GALNT11: variants seen among roughly 807,000 people sequenced by gnomAD.
The protein encoded by GALNT11 is UDP-GalNAc:polypeptide N-acetylgalactosaminyltransferase 11.
A neutral mutation model predicts 72.7 loss-of-function variants in GALNT11; 47 were observed. The ratio of observed to expected loss-of-function variants is 0.65; its 90% confidence interval spans 0.51 to 0.82. The LOEUF (loss-of-function observed/expected upper bound fraction) is 0.82, where lower values mean the gene tolerates loss of function less well. GALNT11 is among the 40% of genes least tolerant of loss of function. The pLI, the probability that GALNT11 is intolerant of heterozygous loss-of-function variation, is 0.00. For synonymous variants in GALNT11, 270 were observed against 286.6 expected (o/e 0.94, Z 0.58); for missense variants, 677 against 778.4 (o/e 0.87, Z 1.55).
intron 1 of GALNT11, among the ~76,000 whole-genome samples, chr7:152,040,380 C>T (rs945219305): frequency 7.9e-5 from 12 of 152,288 alleles, no homozygotes; most frequent in African/African-American, 2.2e-4. Context: ...AGATGAGGAA[C>T]GCACCACTTG....
At chr7:152,093,616 A>C (rs2129037767) in intron 1 of GALNT11, among the ~76,000 whole-genome samples, 1 of 152,094 alleles carries the variant, frequency 6.6e-6, no homozygotes, top group African/African-American at 2.4e-5. Context: ...TTTGATAGAC[A>C]CAAGGTTTCA....
intron 1 of GALNT11, among the ~76,000 whole-genome samples, chr7:152,038,013 G>A (rs2082665849): frequency 6.6e-6 from 1 of 152,086 alleles, no homozygotes; most frequent in Non-Finnish European, 1.5e-5. Context: ...CAGGTGAGCT[G>A]CCTGCCTCAG....
At position 152,101,651 on chromosome 7, in the gene GALNT11, G is replaced by T. The variant is rs577985982; in HGVS notation, c.419+730G>T. On this transcript the variant is annotated intron_variant, in intron 3 of 11. Transcript: ENST00000430044. Reference sequence around the variant, plus strand: ...GTTCATGGCTTTTTTTTGGGGGGGGGGGGATGGAGTCTTTCTCTGTTGCCC... The same window carrying T: ...GTTCATGGCTTTTTTTTGGGGGGGGTGGGATGGAGTCTTTCTCTGTTGCCC... 2.2e-4 allele frequency among the ~76,000 whole-genome samples: 31 copies of T among 144,034 alleles called. 1 individual carries two copies. Among genetic ancestry groups the T allele is most frequent in the East Asian group, 2.1e-4 (1 of 4,732 alleles). The allele number at this position is 144,034 out of a possible 152,430, so 94.5% of individuals were successfully genotyped here.
intron 1 of GALNT11, among the ~76,000 whole-genome samples, chr7:152,029,081 TA>T (rs1327100295): frequency 2.0e-5 from 3 of 152,292 alleles, no homozygotes; most frequent in African/African-American, 7.2e-5. Flanking sequence ...CCTTTTCCTA[TA>T]AATGTTGGGT....
intron 1 of GALNT11, among the ~76,000 whole-genome samples, chr7:152,059,813 A>G (rs542755496): frequency 6.6e-6 from 1 of 152,344 alleles, no homozygotes; most frequent in South Asian, 2.1e-4. Flanking sequence ...TAGATTTTGC[A>G]TAATTCTTAA....
At chr7:152,041,800 T>C (rs1480037305) in intron 1 of GALNT11, among the ~76,000 whole-genome samples, 1 of 152,244 alleles carries the variant, frequency 6.6e-6, no homozygotes, top group Non-Finnish European at 1.5e-5. Flanking sequence ...TAGTAATTTT[T>C]GAAAGTCATT....
chr7:152,089,953 C>G (rs189457341), intron 1 of GALNT11, among the ~76,000 whole-genome samples: 2 of 152,300 alleles, frequency 1.3e-5, no homozygotes, highest in South Asian at 2.1e-4. Flanking sequence ...AATTTTGCGA[C>G]GTCTGGCCAC....
chr7:152,108,697 A>G (rs2087853639), intron 6 of GALNT11, among the ~76,000 whole-genome samples: 1 of 152,186 alleles, frequency 6.6e-6, no homozygotes, highest in African/African-American at 2.4e-5. Flanking sequence ...TTTCATTAGG[A>G]TTTTGAAGAT....
At chr7:152,041,417 T>G (rs55984031) in intron 1 of GALNT11, among the ~76,000 whole-genome samples, 5,090 of 152,260 alleles carry the variant, frequency 0.033, 120 homozygotes, top group Middle Eastern at 0.068. Flanking sequence ...CAGGATCATA[T>G]CCATGTAATT....
chr7:152,060,456 A>G (rs1423799457), intron 1 of GALNT11, among the ~76,000 whole-genome samples: 1 of 151,660 alleles, frequency 6.6e-6, no homozygotes, highest in African/African-American at 2.4e-5. Context: ...TTCCTCACTA[A>G]GCTAAATTAC....
intron 4 of GALNT11, 140 bp downstream of exon 4, chr7:152,103,418 T>A: frequency 1.3e-6 from 1 of 771,848 alleles, no homozygotes; most frequent in Non-Finnish European, 2.0e-6. Flanking sequence ...TGACCACAAA[T>A]AAGTCTGAAG....
chr7:152,075,923 G>A (rs183137320), intron 1 of GALNT11, among the ~76,000 whole-genome samples: 33 of 151,940 alleles, frequency 2.2e-4, no homozygotes, highest in African/African-American at 6.0e-4. Context: ...TTAGCTGGCC[G>A]TGGTGGCGGA....
chr7:152,103,097 T>A lies in GALNT11; in HGVS notation c.420-15T>A, dbSNP rs1208907995. ...CTTTTAAAATGTCAGAATTTCCTCA[T>A]CTTTATCTTTACAGATGTAAAGAAA... On this transcript the variant is annotated splice_polypyrimidine_tract_variant and intron_variant, in intron 3 of 11. Coordinates refer to ENST00000430044, the MANE Select transcript of GALNT11 (RefSeq NM_022087.4). The A allele has an allele frequency of 1.9e-6, 3 of 1,588,536 alleles. No individual in the cohort carries two copies. In the South Asian group the frequency reaches 3.3e-5, roughly 18 times the overall value.
intron 1 of GALNT11, among the ~76,000 whole-genome samples, chr7:152,035,381 C>G (rs2082517269): frequency 6.6e-6 from 1 of 152,120 alleles, no homozygotes. Context: ...AGAAGAGAGG[C>G]AAGAGAAAGT....
chr7:152,036,488 T>C, intron 1 of GALNT11, among the ~76,000 whole-genome samples: 1 of 152,216 alleles, frequency 6.6e-6, no homozygotes, highest in East Asian at 1.9e-4. Flanking sequence ...TATCCATTCA[T>C]TTGTTGATGG....
intron 3 of GALNT11, among the ~76,000 whole-genome samples, chr7:152,101,358 C>G (rs1299485796): frequency 6.6e-6 from 1 of 152,100 alleles, no homozygotes; most frequent in Non-Finnish European, 1.5e-5. Flanking sequence ...TGAGCACCTT[C>G]TGTTTGCTAC....
At chr7:152,038,442 A>G (rs2082690702) in intron 1 of GALNT11, among the ~76,000 whole-genome samples, 1 of 152,216 alleles carries the variant, frequency 6.6e-6, no homozygotes, top group Non-Finnish European at 1.5e-5. Flanking sequence ...AGAATGCCTT[A>G]AGTGGTTTTC....
At chr7:152,101,165 AG>A (rs918870361) in intron 3 of GALNT11, among the ~76,000 whole-genome samples, 1 of 152,234 alleles carries the variant, frequency 6.6e-6, no homozygotes, top group Non-Finnish European at 1.5e-5. Context: ...GAAGCAGAGT[AG>A]GGTGCTAATT....
At chr7:152,049,976 C>T (rs2083313419) in intron 1 of GALNT11, among the ~76,000 whole-genome samples, 2 of 152,142 alleles carry the variant, frequency 1.3e-5, no homozygotes, top group Non-Finnish European at 2.9e-5. Flanking sequence ...GTAGTGAATG[C>T]TGCCAGGCCT....
Sources: gnomAD v4.1 joint callset for allele counts (sites outside exome capture counted in the v4.1 genomes callset) on GRCh38, gnomAD v4.1.1 for gene constraint, MANE v1.5 for transcripts, NCBI Gene and HGNC (gene_info 2026-07-23, HGNC 2026-07-21) for gene names.